The following RYR3 variants were observed in gnomAD, a reference collection of about 807,000 sequenced individuals.
RYR3 encodes ryanodine receptor 3.
In RYR3, 207 loss-of-function variants were observed where a neutral mutation model predicts 584.3. That is an observed-to-expected ratio of 0.35 (90% CI 0.32 to 0.40). The LOEUF is 0.40. Among genes scored for constraint, RYR3 ranks in the 10% least tolerant of loss-of-function variants. The pLI is 1.00. For missense variants in RYR3, 5,616 were observed against 6,089.2 expected (o/e 0.92, Z 2.59); for synonymous variants, 2,416 against 2,248.5 (o/e 1.07, Z -2.11).
chr15:33,647,393 A>G, intron 29 of RYR3, 31 bp from the exon 30 acceptor site: 2 of 1,586,506 alleles, frequency 1.3e-6, no homozygotes, highest in Non-Finnish European at 1.7e-6. Flanking sequence ...ATACAGCTGA[A>G]TAACTAAAAC....
intron 1 of RYR3, among the ~76,000 whole-genome samples, chr15:33,318,167 G>A (rs191194484): frequency 2.3e-4 from 35 of 152,346 alleles, no homozygotes; most frequent in African/African-American, 8.2e-4. Flanking sequence ...GCTGCTGCCT[G>A]TGCAGAATTG....
At chr15:33,565,236 C>A (rs1327389243) in intron 11 of RYR3, among the ~76,000 whole-genome samples, 1 of 152,172 alleles carries the variant, frequency 6.6e-6, no homozygotes, top group East Asian at 1.9e-4. Context: ...TCTTTAAGGA[C>A]CAGAAATCTG....
chr15:33,636,295 T>C, intron 26 of RYR3, 81 bp from the exon 27 acceptor site: 2 of 1,167,664 alleles, frequency 1.7e-6, no homozygotes, highest in South Asian at 1.3e-5. Context: ...AGTTAGGAGA[T>C]ATCGAAGATA....
At chr15:33,805,110 T>C (rs1408142569) in intron 69 of RYR3, among the ~76,000 whole-genome samples, 1 of 152,238 alleles carries the variant, frequency 6.6e-6, no homozygotes, top group Non-Finnish European at 1.5e-5. Context: ...AAGCTAAATG[T>C]AACTAAGCTG....
chr15:33,693,698 G>A (rs895245057), intron 38 of RYR3, among the ~76,000 whole-genome samples: 2 of 152,232 alleles, frequency 1.3e-5, no homozygotes, highest in African/African-American at 4.8e-5. Context: ...AAGGGCTGTA[G>A]GTTGCAGAAT....
chr15:33,545,556 A>G (rs1351362824), intron 8 of RYR3, among the ~76,000 whole-genome samples: 4 of 152,164 alleles, frequency 2.6e-5, no homozygotes, highest in Non-Finnish European at 1.5e-5. Flanking sequence ...GAAGGGTTTG[A>G]GACTGGGGTA....
intron 43 of RYR3, among the ~76,000 whole-genome samples, chr15:33,708,657 A>G (rs1479756610): frequency 1.3e-5 from 2 of 152,220 alleles, no homozygotes; most frequent in African/African-American, 4.8e-5. Flanking sequence ...TGTCTCTATA[A>G]TAGTGTTATA....
At chr15:33,473,231 T>G (rs1414309776) in intron 1 of RYR3, 188 bp from the exon 2 acceptor site, 2 of 752,852 alleles carry the variant, frequency 2.7e-6, no homozygotes, top group African/African-American at 1.7e-5. Context: ...GAGTTCTGAC[T>G]CACGGTAGAT....
chr15:33,516,896 T>A (rs535552672), intron 3 of RYR3, among the ~76,000 whole-genome samples: 82 of 151,842 alleles, frequency 5.4e-4, no homozygotes, highest in African/African-American at 1.8e-3. Flanking sequence ...AAAAAAAAAA[T>A]AAGGAACCAA....
chr15:33,857,892 T>G lies in RYR3; in HGVS notation c.14120T>G (p.Met4707Arg). ...NKSEDDDEPD[M>R]KCDDMMTCYL... is the part of the protein sequence containing the mutation. ...AGCGAAGACGATGACGAGCCCGATA[T>G]GAAGTGCGACGACATGATGACGGTG... is the stretch of plus-strand genomic sequence containing the variant. The change falls in exon 99 of 104, where the codon ATG (methionine) becomes AGG (arginine). Residue 4707 changes from methionine (M) to arginine (R), a missense_variant. Met to Arg is a moderately conservative substitution (Grantham distance 91, BLOSUM62 -1). Transcript: ENST00000634891. The G allele has an allele frequency of 6.2e-7, 1 of 1,614,126 alleles. No homozygotes were observed. The highest frequency in any genetic ancestry group is 1.1e-5 in the South Asian group (1 of 91,080).
At chr15:33,527,851 C>T (rs1338849753) in intron 3 of RYR3, among the ~76,000 whole-genome samples, 2 of 152,206 alleles carry the variant, frequency 1.3e-5, no homozygotes, top group East Asian at 1.9e-4. Context: ...GTTGGAAGGT[C>T]GGTGATTAAC....
At chr15:33,441,499 G>C (rs1407485803) in intron 1 of RYR3, among the ~76,000 whole-genome samples, 1 of 152,136 alleles carries the variant, frequency 6.6e-6, no homozygotes, top group African/African-American at 2.4e-5. Context: ...GATAGGTGGG[G>C]AGTTGGGGGA....
rs374995728 is a variant in RYR3 at position 33,483,013 on chromosome 15, C to T, written c.171+9475C>T. 5.5e-4 allele frequency among the ~76,000 whole-genome samples: 83 copies of T among 152,120 alleles called. 1 individual carries two copies. The highest frequency in any genetic ancestry group is 1.9e-3 in the African/African-American group (78 of 41,534). ...ATCTGCCTGAATACTTTCCATTGAC[C>T]TATTTTATATTTATTTATTCCCTTT... On this transcript the variant is annotated intron_variant, in intron 2 of 103. Transcript: ENST00000634891.
In RYR3 at chr15:33,587,747, T is replaced by C. The variant is rs542831469; in HGVS notation, c.1788+1631T>C. On this transcript the variant is annotated intron_variant, in intron 16 of 103. Coordinates refer to ENST00000634891, the MANE Select transcript of RYR3 (RefSeq NM_001036.6). Reference sequence around the variant, plus strand: ...GGATAGATTTTTGGGTAAAGGTTTGTCATGAATTCAGATCCTTCCTTAGGT... The same window carrying C: ...GGATAGATTTTTGGGTAAAGGTTTGCCATGAATTCAGATCCTTCCTTAGGT... 3.9e-5 allele frequency among the ~76,000 whole-genome samples: 6 copies of C among 152,350 alleles called. No individual in the cohort carries two copies. The South Asian group carries it at 1.2e-3, about 32-fold the overall frequency.
At chr15:33,631,141 G>A in intron 22 of RYR3, 69 bp from the exon 23 acceptor site, 1 of 951,422 alleles carries the variant, frequency 1.1e-6, no homozygotes, top group Non-Finnish European at 1.6e-6. Context: ...CAACTCGGAT[G>A]TGAATTAGGG....
chr15:33,329,339 C>T (rs913097026), intron 1 of RYR3, among the ~76,000 whole-genome samples: 1 of 152,172 alleles, frequency 6.6e-6, no homozygotes, highest in Non-Finnish European at 1.5e-5. Context: ...AGAGAAGTCA[C>T]TTACCAAGGA....
At chr15:33,515,625 T>A (rs1020052780) in intron 3 of RYR3, among the ~76,000 whole-genome samples, 3 of 152,246 alleles carry the variant, frequency 2.0e-5, no homozygotes, top group Non-Finnish European at 4.4e-5. Flanking sequence ...CATTTGCAGT[T>A]TCTTGTGAGA....
chr15:33,345,301 T>C (rs533125104), intron 1 of RYR3, among the ~76,000 whole-genome samples: 132 of 152,296 alleles, frequency 8.7e-4, no homozygotes, highest in African/African-American at 3.1e-3. Flanking sequence ...TACAAAGGAC[T>C]ATATAAGATA....
chr15:33,605,656 G>A (rs1239118284), intron 18 of RYR3, among the ~76,000 whole-genome samples: 1 of 152,150 alleles, frequency 6.6e-6, no homozygotes, highest in African/African-American at 2.4e-5. Flanking sequence ...CTGGGTCTGG[G>A]CATCATTCTG....
Sources: gnomAD v4.1 joint callset for allele counts (sites outside exome capture counted in the v4.1 genomes callset) on GRCh38, gnomAD v4.1.1 for gene constraint, MANE v1.5 for transcripts, NCBI Gene and HGNC (gene_info 2026-07-23, HGNC 2026-07-21) for gene names.